PGD: variants seen among roughly 807,000 people sequenced by gnomAD.
The protein encoded by PGD is 6-phosphogluconate dehydrogenase, decarboxylating.
In PGD, 21 loss-of-function variants were observed where a neutral mutation model predicts 60.4. That is an observed-to-expected ratio of 0.35 (90% CI 0.25 to 0.50). PGD has a LOEUF of 0.50. Among genes scored for constraint, PGD ranks in the 20% least tolerant of loss-of-function variants. The probability of loss-of-function intolerance (pLI) is 0.98; values close to 1 mark genes in which losing one functional copy is unlikely to be tolerated. For synonymous variants in PGD, 230 were observed against 235.9 expected, an observed-to-expected ratio of 0.97 and a Z score of 0.23; for missense variants, 477 against 613.1, an observed-to-expected ratio of 0.78 and a Z score of 2.34.
At chr1:10,408,631 A>T (rs1174984835) in intron 6 of PGD, among the ~76,000 whole-genome samples, 1 of 152,160 alleles carries the variant, frequency 6.6e-6, no homozygotes, top group African/African-American at 2.4e-5. Context: ...ACCCTCACTG[A>T]ATATGAAGGA....
chr1:10,411,640 C>A, intron 7 of PGD, 88 bp downstream of exon 7: 1 of 1,515,824 alleles, frequency 6.6e-7, no homozygotes, highest in Non-Finnish European at 9.0e-7. Context: ...TTCCTATCCC[C>A]TTGGCCATTC....
chr1:10,410,592 G>T (rs1384580690), intron 6 of PGD, among the ~76,000 whole-genome samples: 1 of 152,090 alleles, frequency 6.6e-6, no homozygotes, highest in Non-Finnish European at 1.5e-5. Context: ...ATGGAGCTGG[G>T]TGTAGATGAC....
rs776371116 is a variant in PGD, at chr1:10,400,589, T to G, written c.264+17T>G. Reference sequence around the variant, plus strand: ...GAGAAATTGGTGAGGCCAGCTGTGCTCTCAGCTGCTACCACGATAGCAGCT... The same window carrying G: ...GAGAAATTGGTGAGGCCAGCTGTGCGCTCAGCTGCTACCACGATAGCAGCT... On this transcript the variant is annotated intron_variant, in intron 3 of 12. Coordinates refer to ENST00000270776, the MANE Select transcript of PGD (RefSeq NM_002631.4). 6.3e-7 allele frequency: 1 copy of G among 1,592,228 alleles called. No individual in the cohort carries two copies. The highest frequency in any genetic ancestry group is 1.1e-5 in the South Asian group (1 of 89,042).
chr1:10,399,531 A>G (rs1299474894), intron 1 of PGD, 98 bp from the exon 2 acceptor site: 7 of 1,084,144 alleles, frequency 6.5e-6, no homozygotes, highest in Admixed American at 5.3e-5. Context: ...GAAAGTGCAG[A>G]CTCCCAGTCA....
At position 10,418,816 on chromosome 1, in the gene PGD, A is replaced by G; in HGVS notation, c.1110-10A>G. The G allele has an allele frequency of 1.5e-6, 2 of 1,342,780 alleles. No homozygotes were observed. The highest frequency in any genetic ancestry group is 2.1e-6 in the Non-Finnish European group (2 of 947,470). 83.2% of individuals were successfully genotyped at this position (1,342,780 alleles called of 1,614,324 possible). On this transcript the variant is annotated splice_polypyrimidine_tract_variant and intron_variant, in intron 10 of 12. Transcript: ENST00000270776. ...GACTCATTGCTTTTTTCCCCCCTTG[A>G]TTATTTCAGTGTATTCCTAGGAAAG...
intron 2 of PGD, 53 bp downstream of exon 2, chr1:10,399,757 A>G: frequency 6.7e-7 from 1 of 1,502,960 alleles, no homozygotes; most frequent in Non-Finnish European, 9.3e-7. Context: ...GCTTTAGCCG[A>G]GGCCGGCGAT....
rs959864938 is a variant in PGD, at chr1:10,418,998, G to T, written c.1209+73G>T. ...CATCAGTTGTGATGTTTGGTTTTTTGTTTTTTTTTTTTGGTTTTTTGTTTT... is the reference window on the plus strand; with the variant it reads ...CATCAGTTGTGATGTTTGGTTTTTTTTTTTTTTTTTTTGGTTTTTTGTTTT... On this transcript the variant is annotated intron_variant, in intron 11 of 12. Transcript: ENST00000270776. The T allele has an allele frequency of 1.8e-3, 1,244 of 678,672 alleles. 4 individuals carry two copies. Among genetic ancestry groups the T allele is most frequent in the African/African-American group, 0.014 (714 of 49,638 alleles). The allele number at this position is 678,672 out of a possible 1,614,324, so 42.0% of individuals were successfully genotyped here.
chr1:10,399,952 T>A, intron 2 of PGD: 1 of 574,178 alleles, frequency 1.7e-6, no homozygotes, highest in Non-Finnish European at 3.1e-6. Flanking sequence ...ATTAGTGTCT[T>A]AAGTAGAGAA....
At position 10,419,795 on chromosome 1, in the gene PGD, T is replaced by G; in HGVS notation, c.*46T>G. On this transcript the variant is annotated 3_prime_UTR_variant, in exon 13 of 13. Coordinates refer to ENST00000270776, the MANE Select transcript of PGD (RefSeq NM_002631.4). ...TCCACGATTCCACAGACCAGGACATTCCATGTGCCTCATGGCACTGCCACC... is the reference window on the plus strand; with the variant it reads ...TCCACGATTCCACAGACCAGGACATGCCATGTGCCTCATGGCACTGCCACC... 6.2e-7 allele frequency: 1 copy of G among 1,607,562 alleles called. No homozygotes were observed. The highest frequency in any genetic ancestry group is 8.5e-7 in the Non-Finnish European group (1 of 1,175,374).
At chr1:10,407,909 A>G (rs920743374) in intron 5 of PGD, among the ~76,000 whole-genome samples, 162 bp from the exon 6 acceptor site, 1 of 151,706 alleles carries the variant, frequency 6.6e-6, no homozygotes, top group African/African-American at 2.4e-5. Flanking sequence ...AGATCACACC[A>G]CTGCATTCCA....
chr1:10,406,873 T>C (rs1298224637), intron 5 of PGD, among the ~76,000 whole-genome samples: 2 of 152,000 alleles, frequency 1.3e-5, no homozygotes, highest in Admixed American at 1.3e-4. Context: ...GCAGCACACA[T>C]CCAGACAAAT....
chr1:10,414,141 T>TA (rs1163894802), intron 8 of PGD, among the ~76,000 whole-genome samples: 1 of 152,164 alleles, frequency 6.6e-6, no homozygotes, highest in Non-Finnish European at 1.5e-5. Flanking sequence ...ATTAAAAAGA[T>TA]AAAAATTACC....
Position 10,420,496 on chromosome 1 carries a change from T to G in PGD, c.*747T>G, listed in dbSNP as rs1056261178. ...TACTAAACTTTCTAGAGAATTAAAC[T>G]TTAATGATGGGCTCAGCTTGGTCTG... On this transcript the variant is annotated 3_prime_UTR_variant, in exon 13 of 13. Transcript: ENST00000270776. Among the ~76,000 whole-genome samples, 1 of 151,446 alleles carries G rather than the reference T, an allele frequency of 6.6e-6. No homozygotes were observed. The highest frequency in any genetic ancestry group is 2.4e-5 in the African/African-American group (1 of 41,266).
chr1:10,420,413 T>G lies in PGD; in HGVS notation c.*664T>G, dbSNP rs1044638685. On this transcript the variant is annotated 3_prime_UTR_variant, in exon 13 of 13. Transcript: ENST00000270776. ...TCTTTTTTTTTTTTTTTTTTTTTTT[T>G]GCTCCTGGCAAGCTGTGCGTGACAT... Among the ~76,000 whole-genome samples the G allele has an allele frequency of 1.2e-5, 1 of 83,462 alleles. No homozygotes were observed. The highest frequency in any genetic ancestry group is 2.4e-5 in the Non-Finnish European group (1 of 41,376). 54.8% of individuals were successfully genotyped at this position (83,462 alleles called of 152,430 possible).
chr1:10,405,968 C>T (rs1376772566), intron 5 of PGD, among the ~76,000 whole-genome samples: 1 of 152,154 alleles, frequency 6.6e-6, no homozygotes, highest in Non-Finnish European at 1.5e-5. Context: ...ATTCTCTCGC[C>T]TCAGCCTCCC....
intron 8 of PGD, among the ~76,000 whole-genome samples, chr1:10,413,613 A>G (rs1639543606): frequency 6.6e-6 from 1 of 152,224 alleles, no homozygotes; most frequent in Non-Finnish European, 1.5e-5. Flanking sequence ...AGAAAAGTTC[A>G]TGAATAACAG....
intron 11 of PGD, 74 bp downstream of exon 11, chr1:10,418,999 T>TG: frequency 2.2e-6 from 1 of 454,838 alleles, no homozygotes; most frequent in Non-Finnish European, 3.7e-6. Context: ...TGGTTTTTTG[T>TG]TTTTTTTTTT....
Position 10,416,970 on chromosome 1 carries a change from C to T in PGD, c.845-17C>T. ...CCTGACAGTAATCTGTTTCCTCTTCCCGATCTCCCCATGTAGGAGAAGCTG... is the reference window on the plus strand; with the variant it reads ...CCTGACAGTAATCTGTTTCCTCTTCTCGATCTCCCCATGTAGGAGAAGCTG... On this transcript the variant is annotated splice_polypyrimidine_tract_variant and intron_variant, in intron 8 of 12. Coordinates refer to ENST00000270776, the MANE Select transcript of PGD (RefSeq NM_002631.4). 3 of 1,611,596 alleles carry T rather than the reference C, an allele frequency of 1.9e-6. No individual in the cohort carries two copies. Among genetic ancestry groups the T allele is most frequent in the Non-Finnish European group, 2.5e-6 (3 of 1,178,492 alleles).
intron 5 of PGD, among the ~76,000 whole-genome samples, chr1:10,407,399 G>A (rs1300646): frequency 0.015 from 2,280 of 152,258 alleles, 29 homozygotes; most frequent in Non-Finnish European, 0.021. Flanking sequence ...GCAGGGAGCC[G>A]TGATTGTGCC....
Sources: gnomAD v4.1 joint callset for allele counts (sites outside exome capture counted in the v4.1 genomes callset) on GRCh38, gnomAD v4.1.1 for gene constraint, MANE v1.5 for transcripts, NCBI Gene and HGNC (gene_info 2026-07-23, HGNC 2026-07-21) for gene names.